Variants in PTPRZ1 observed in about 807,000 individuals in gnomAD.
PTPRZ1 encodes the protein receptor-type tyrosine-protein phosphatase zeta.
Under a neutral mutation model 214.1 loss-of-function variants are expected in PTPRZ1, and 82 were observed. The ratio of observed to expected loss-of-function variants is 0.38; its 90% CI spans 0.32 to 0.46. The LOEUF (loss-of-function observed/expected upper bound fraction) is 0.46. Ranked by LOEUF, PTPRZ1 falls within the 20% of genes least tolerant of loss-of-function variation. The pLI, the probability that PTPRZ1 is intolerant of heterozygous loss-of-function variation, is 1.00. For missense variants in PTPRZ1, 2,603 were observed against 2,748.7 expected (o/e 0.95, Z 1.19); for synonymous variants, 945 against 987.9 (o/e 0.96, Z 0.81).
intron 2 of PTPRZ1, among the ~76,000 whole-genome samples, chr7:121,944,283 T>C (rs547116715): frequency 2.6e-5 from 4 of 152,260 alleles, no homozygotes; most frequent in Admixed American, 6.5e-5. Flanking sequence ...AATCTTTGTA[T>C]TTACCTGACT....
chr7:122,033,820 C>T (rs1799457490), intron 15 of PTPRZ1: 3 of 439,126 alleles, frequency 6.8e-6, no homozygotes, highest in East Asian at 7.9e-5. Context: ...TGGTTCCTCT[C>T]ATCTGCATTT....
At chr7:121,964,857 T>C (rs1796996425) in intron 2 of PTPRZ1, among the ~76,000 whole-genome samples, 1 of 152,306 alleles carries the variant, frequency 6.6e-6, no homozygotes, top group Non-Finnish European at 1.5e-5. Flanking sequence ...ATAGCCAGTG[T>C]CAAGCTTTTG....
chr7:121,997,667 CAAA>C (rs200025096), intron 9 of PTPRZ1, among the ~76,000 whole-genome samples: 1 of 82,092 alleles, frequency 1.2e-5, no homozygotes. Flanking sequence ...TTTTAAAAAG[CAAA>C]AAAAAAAAAA....
At chr7:122,043,188 TG>T (rs1420992382) in intron 22 of PTPRZ1, among the ~76,000 whole-genome samples, 1 of 152,212 alleles carries the variant, frequency 6.6e-6, no homozygotes, top group African/African-American at 2.4e-5. Flanking sequence ...TATATCTTTG[TG>T]GGGGGACACC....
At chr7:121,902,706 A>G (rs930534913) in intron 1 of PTPRZ1, among the ~76,000 whole-genome samples, 2 of 152,030 alleles carry the variant, frequency 1.3e-5, no homozygotes, top group Admixed American at 6.6e-5. Context: ...TTTTAATCAA[A>G]TGATTATTAT....
chr7:121,908,540 T>C (rs1795180564), intron 1 of PTPRZ1: 3 of 338,334 alleles, frequency 8.9e-6, no homozygotes, highest in Non-Finnish European at 1.7e-5. Flanking sequence ...CAGATGTTCA[T>C]ACTCCAGTCT....
chr7:121,991,277 G>A (rs1256624189), intron 8 of PTPRZ1, among the ~76,000 whole-genome samples: 1 of 152,172 alleles, frequency 6.6e-6, no homozygotes. Flanking sequence ...TATATGGACA[G>A]CCAAGATATC....
chr7:122,008,520 A>G (rs941620242), intron 11 of PTPRZ1, among the ~76,000 whole-genome samples: 1 of 152,074 alleles, frequency 6.6e-6, no homozygotes, highest in Non-Finnish European at 1.5e-5. Context: ...AAGGAAAACA[A>G]CTCTTTAGTT....
chr7:121,908,513 C>T, intron 1 of PTPRZ1: 1 of 352,822 alleles, frequency 2.8e-6, no homozygotes, highest in Non-Finnish European at 5.4e-6. Flanking sequence ...TTTTACCTAG[C>T]CTTTCTAATG....
At chr7:121,943,483 C>CAGG (rs1796288578) in intron 2 of PTPRZ1, among the ~76,000 whole-genome samples, 1 of 151,956 alleles carries the variant, frequency 6.6e-6, no homozygotes, top group Non-Finnish European at 1.5e-5. Flanking sequence ...CTACAGGTGC[C>CAGG]CGCCACCATG....
At chr7:121,990,945 C>T (rs1189771619) in intron 8 of PTPRZ1, among the ~76,000 whole-genome samples, 2 of 152,216 alleles carry the variant, frequency 1.3e-5, no homozygotes, top group Non-Finnish European at 2.9e-5. Context: ...GCATCAGATG[C>T]TTTCATGCTG....
At chr7:122,061,042 A>T in intron 29 of PTPRZ1, 38 bp from the exon 30 acceptor site, 1 of 1,544,520 alleles carries the variant, frequency 6.5e-7, no homozygotes, top group Non-Finnish European at 8.8e-7. Flanking sequence ...GTCTTCACTG[A>T]GCTTCGCATT....
Position 122,040,923 on chromosome 7 carries a change from G to T in PTPRZ1, c.5745G>T (p.Val1915=). 1 of 1,603,010 alleles carries T rather than the reference G, an allele frequency of 6.2e-7. No homozygotes were observed. The highest frequency in any genetic ancestry group is 1.1e-5 in the South Asian group (1 of 90,462). Residue 1915 remains valine, a synonymous_variant, in exon 21 of 30, where the codon GTG becomes GTT. Transcript: ENST00000393386. ...PEYSLPVLTF[V]RKAAYAKRHA... is the part of the protein sequence containing the mutation. ...ACTCCCTGCCAGTGCTGACCTTTGT[G>T]AGAAAGGCAGCCTATGCCAAGCGCC...
chr7:121,944,901 C>T (rs1796327337), intron 2 of PTPRZ1, among the ~76,000 whole-genome samples: 1 of 152,180 alleles, frequency 6.6e-6, no homozygotes, highest in Non-Finnish European at 1.5e-5. Flanking sequence ...ATTCGGCCTC[C>T]TTTAGCGCTG....
At chr7:121,944,945 A>T (rs927335767) in intron 2 of PTPRZ1, among the ~76,000 whole-genome samples, 2 of 152,136 alleles carry the variant, frequency 1.3e-5, no homozygotes, top group Non-Finnish European at 2.9e-5. Context: ...CCCGGCCCAG[A>T]TTACATTTTT....
chr7:121,926,842 G>A (rs979702945), intron 1 of PTPRZ1, among the ~76,000 whole-genome samples: 14 of 152,102 alleles, frequency 9.2e-5, no homozygotes, highest in African/African-American at 3.4e-4. Flanking sequence ...ATAGATTTAT[G>A]TTGAAATGTC....
chr7:121,982,875 G>A (rs765044337), intron 6 of PTPRZ1, among the ~76,000 whole-genome samples: 4 of 151,990 alleles, frequency 2.6e-5, no homozygotes, highest in South Asian at 2.1e-4. Flanking sequence ...CCAGGTTCAA[G>A]CGACTCACTC....
At chr7:121,883,321 G>GTTTCAGGTTAATCT (rs1323287543) in intron 1 of PTPRZ1, among the ~76,000 whole-genome samples, 1 of 152,094 alleles carries the variant, frequency 6.6e-6, no homozygotes, top group Non-Finnish European at 1.5e-5. Context: ...TATATTTATA[G>GTTTCAGGTTAATCT]TTTCAGGTTA....
chr7:122,040,285 G>C (rs896039481), intron 20 of PTPRZ1, among the ~76,000 whole-genome samples: 6 of 152,340 alleles, frequency 3.9e-5, no homozygotes, highest in African/African-American at 1.4e-4. Context: ...ACAGAATAGA[G>C]AGATAGAGAG....
Sources: gnomAD v4.1 joint callset for allele counts (sites outside exome capture counted in the v4.1 genomes callset) on GRCh38, gnomAD v4.1.1 for gene constraint, MANE v1.5 for transcripts, NCBI Gene and HGNC (gene_info 2026-07-23, HGNC 2026-07-21) for gene names.